SSX2IP: variants seen among roughly 807,000 people sequenced by gnomAD.
The protein encoded by SSX2IP is afadin- and alpha-actinin-binding protein.
Under a neutral mutation model 84.9 loss-of-function variants are expected in SSX2IP, and 55 were observed. That is an observed-to-expected ratio of 0.65 (90% CI 0.52 to 0.81). The LOEUF is 0.81. Ranked by LOEUF, SSX2IP falls within the 30% of genes least tolerant of loss-of-function variation. The pLI, the probability that SSX2IP is intolerant of heterozygous loss-of-function variation, is 0.00. For synonymous variants in SSX2IP, 239 were observed against 234.7 expected, an observed-to-expected ratio of 1.02 and a Z score of -0.17; for missense variants, 664 against 705.2, an observed-to-expected ratio of 0.94 and a Z score of 0.66.
intron 10 of SSX2IP, among the ~76,000 whole-genome samples, 168 bp downstream of exon 10, chr1:84,656,180 T>A (rs993294584): frequency 6.6e-6 from 1 of 152,070 alleles, no homozygotes; most frequent in African/African-American, 2.4e-5. Context: ...ACTAGCAAAG[T>A]ATGGACTATT....
rs1441824588 is a variant in SSX2IP at position 84,669,890 on chromosome 1, A to G, written c.217T>C (p.Leu73=). 6.2e-7 allele frequency: 1 copy of G among 1,611,616 alleles called. No homozygotes were observed. Among genetic ancestry groups the G allele is most frequent in the South Asian group, 1.1e-5 (1 of 90,894 alleles). Reference sequence around the variant, plus strand: ...AATGAAGGAAAACCAAAAGTAGTCAATTCCTGGTAGGAGAAAATGTTTTCT... The same window carrying G: ...AATGAAGGAAAACCAAAAGTAGTCAGTTCCTGGTAGGAGAAAATGTTTTCT... The part of the protein sequence containing the change: ...EQSISYLDQE[L]TTFGFPSLYE... Residue 73 remains leucine (L), a synonymous_variant, in exon 4 of 14, where the codon TTG becomes CTG. Transcript: ENST00000342203.
chr1:84,675,320 A>G (rs1334717784), intron 1 of SSX2IP, among the ~76,000 whole-genome samples: 1 of 152,196 alleles, frequency 6.6e-6, no homozygotes, highest in Admixed American at 6.5e-5. Context: ...TAGGAGAAAA[A>G]AGTAAGCAGT....
At chr1:84,651,821 G>A (rs888266864) in intron 12 of SSX2IP, 62 bp downstream of exon 12, 3 of 985,240 alleles carry the variant, frequency 3.0e-6, no homozygotes, top group Non-Finnish European at 3.1e-6. Context: ...GTAGTATTTT[G>A]TAATATGTAA....
At chr1:84,652,961 G>C (rs1390974687) in intron 11 of SSX2IP, among the ~76,000 whole-genome samples, 1 of 152,080 alleles carries the variant, frequency 6.6e-6, no homozygotes, top group Non-Finnish European at 1.5e-5. Flanking sequence ...GAACCCAGGA[G>C]GCAGAGCCTG....
intron 8 of SSX2IP, among the ~76,000 whole-genome samples, chr1:84,659,541 T>TATTAC (rs1236866253): frequency 3.3e-5 from 5 of 152,102 alleles, no homozygotes; most frequent in Non-Finnish European, 7.4e-5. Context: ...CATGCCTGTA[T>TATTAC]GTAATCCCAG....
chr1:84,675,772 T>C (rs1311483277), intron 1 of SSX2IP, among the ~76,000 whole-genome samples: 5 of 152,146 alleles, frequency 3.3e-5, no homozygotes, highest in Admixed American at 1.3e-4. Flanking sequence ...ATTCCTCTAC[T>C]TCCCTCTCAC....
intron 8 of SSX2IP, among the ~76,000 whole-genome samples, chr1:84,659,914 T>C (rs1310195525): frequency 1.3e-5 from 2 of 152,104 alleles, no homozygotes; most frequent in Non-Finnish European, 2.9e-5. Context: ...CTCATGTCTG[T>C]AATCCCAACA....
At chr1:84,684,940 T>C (rs1363106228) in intron 1 of SSX2IP, among the ~76,000 whole-genome samples, 2 of 150,538 alleles carry the variant, frequency 1.3e-5, no homozygotes, top group African/African-American at 2.5e-5. Context: ...ATTCAGTAAA[T>C]AGCTGCCTCA....
At chr1:84,675,816 A>G (rs1654245494) in intron 1 of SSX2IP, among the ~76,000 whole-genome samples, 1 of 152,126 alleles carries the variant, frequency 6.6e-6, no homozygotes. Context: ...AGGCTGATCA[A>G]AGACCCAAAA....
chr1:84,672,839 AC>A (rs984305068), intron 1 of SSX2IP, among the ~76,000 whole-genome samples: 56 of 152,310 alleles, frequency 3.7e-4, no homozygotes, highest in African/African-American at 1.2e-3. Context: ...AGTCTGGCCA[AC>A]ATGGCGAAAC....
intron 1 of SSX2IP, among the ~76,000 whole-genome samples, chr1:84,683,671 G>C (rs747489872): frequency 2.6e-5 from 4 of 152,206 alleles, no homozygotes; most frequent in Non-Finnish European, 4.4e-5. Context: ...ATTGCTGAAT[G>C]AATGTCCAAG....
intron 4 of SSX2IP, among the ~76,000 whole-genome samples, chr1:84,667,005 A>C (rs1288913462): frequency 6.6e-6 from 1 of 152,194 alleles, no homozygotes; most frequent in Admixed American, 6.6e-5. Context: ...GAAGGTACAG[A>C]AAATGTAGGA....
intron 1 of SSX2IP, among the ~76,000 whole-genome samples, chr1:84,676,169 C>A (rs549927743): frequency 1.3e-5 from 2 of 152,158 alleles, no homozygotes; most frequent in Non-Finnish European, 2.9e-5. Flanking sequence ...ATTAAAATAT[C>A]TTGTAAAAGG....
intron 1 of SSX2IP, among the ~76,000 whole-genome samples, chr1:84,686,810 C>T (rs184002703): frequency 8.9e-4 from 135 of 152,146 alleles, no homozygotes; most frequent in African/African-American, 3.2e-3. Flanking sequence ...GTGTTGAATT[C>T]GGTGATTAGT....
Position 84,652,011 on chromosome 1 carries a change from C to T in SSX2IP, c.1390-14G>A, listed in dbSNP as rs778508043. On this transcript the variant is annotated splice_polypyrimidine_tract_variant and intron_variant, in intron 11 of 13. Transcript: ENST00000342203. ...AAATGCCTTTCTCTACCATAAACAG[C>T]CAAAGAAATAATGATCAATATTTCA... The T allele has an allele frequency of 3.2e-6, 5 of 1,574,822 alleles. No individual in the cohort carries two copies. The South Asian group carries it at 5.5e-5, about 17-fold the overall frequency.
chr1:84,664,454 T>C lies in SSX2IP; in HGVS notation c.636A>G (p.Leu212=), dbSNP rs138631924. ...EREYNKLKER[L]HQLVMNKKDK... is the part of the protein sequence containing the mutation. The stretch of plus-strand genomic sequence containing the variant: ...CTTTCTTGTTCATAACAAGTTGATG[T>C]AGACGTTCCTTCAGTTTATTATATT... Residue 212 remains leucine (L), a synonymous_variant, in exon 6 of 14, where the codon CTA becomes CTG. Transcript: ENST00000342203. 2.2e-5 allele frequency: 35 copies of C among 1,602,668 alleles called. No individual in the cohort carries two copies. In the East Asian group the frequency reaches 6.8e-4, roughly 31 times the overall value.
rs997270660 is a variant in SSX2IP, at chr1:84,647,491, T to C, written c.1787A>G (p.Tyr596Cys). The part of the protein sequence containing the change: ...ASRPGSQEGC[Y>C]SGCSLSYTNS... ...TGTGTAGCTCAAGGAGCATCCACTA[T>C]AGCAACCTTCCTGTGATCCAGGTCT... Residue 596 changes from tyrosine to cysteine, a missense_variant, in exon 14 of 14, where the codon TAT becomes TGT. Physicochemically the swap from Tyr to Cys is radical, Grantham distance 194. Transcript: ENST00000342203. The C allele has an allele frequency of 1.2e-5, 19 of 1,613,100 alleles. No homozygotes were observed. Among genetic ancestry groups the C allele is most frequent in the Admixed American group, 1.7e-5 (1 of 59,944 alleles).
intron 7 of SSX2IP, 39 bp downstream of exon 7, chr1:84,662,416 G>A (rs766016891): frequency 1.2e-6 from 2 of 1,610,542 alleles, no homozygotes. Flanking sequence ...AGGATAGAAG[G>A]AAGTCTGATT....
At chr1:84,668,074 A>C (rs925245253) in intron 4 of SSX2IP, among the ~76,000 whole-genome samples, 1 of 152,126 alleles carries the variant, frequency 6.6e-6, no homozygotes, top group African/African-American at 2.4e-5. Flanking sequence ...CTGAATACAC[A>C]TTTCTGTCCA....
Sources: allele counts gnomAD v4.1 joint callset (sites outside exome capture counted in the v4.1 genomes callset), GRCh38; gene constraint gnomAD v4.1.1; transcripts MANE v1.5; gene names NCBI Gene and HGNC (gene_info 2026-07-23, HGNC 2026-07-21).